Variants in ASIC2 observed in about 807,000 individuals in gnomAD.
ASIC2 encodes acid-sensing ion channel 2.
In ASIC2, 25 loss-of-function variants were observed where a neutral mutation model predicts 57.3. The observed-to-expected ratio is 0.44, with a 90% CI of 0.32 to 0.61. The LOEUF (loss-of-function observed/expected upper bound fraction) is 0.61. ASIC2 is among the 20% of genes least tolerant of loss of function. The pLI is 0.06. For missense variants in ASIC2, 641 were observed against 738.1 expected, an observed-to-expected ratio of 0.87 and a Z score of 1.52; for synonymous variants, 319 against 307.5, an observed-to-expected ratio of 1.04 and a Z score of -0.39.
intron 1 of ASIC2, among the ~76,000 whole-genome samples, chr17:33,234,431 G>A (rs534933814): frequency 4.0e-4 from 61 of 152,236 alleles, no homozygotes; most frequent in African/African-American, 1.7e-4. Flanking sequence ...GAAGTGCAGC[G>A]GCAGACCCTG....
chr17:33,949,682 A>C (rs1187170797), intron 1 of ASIC2, among the ~76,000 whole-genome samples: 1 of 152,176 alleles, frequency 6.6e-6, no homozygotes, highest in Non-Finnish European at 1.5e-5. Flanking sequence ...TGGACAGATA[A>C]GCAAAGTTAC....
At chr17:33,675,508 G>T (rs1204816433) in intron 1 of ASIC2, among the ~76,000 whole-genome samples, 1 of 152,214 alleles carries the variant, frequency 6.6e-6, no homozygotes, top group Non-Finnish European at 1.5e-5. Flanking sequence ...GGGGGACACA[G>T]ATGAGCTTCA....
At chr17:33,031,220 T>C (rs1169497658) in intron 3 of ASIC2, among the ~76,000 whole-genome samples, 1 of 152,176 alleles carries the variant, frequency 6.6e-6, no homozygotes, top group Non-Finnish European at 1.5e-5. Flanking sequence ...TTTTCTATTT[T>C]TGTTCTTGTG....
At chr17:33,987,716 G>A (rs1905868932) in intron 1 of ASIC2, among the ~76,000 whole-genome samples, 1 of 152,158 alleles carries the variant, frequency 6.6e-6, no homozygotes, top group Non-Finnish European at 1.5e-5. Flanking sequence ...TTAGGTGAAA[G>A]TGCCAAGGAA....
At chr17:33,317,784 A>G (rs1182927556) in intron 1 of ASIC2, among the ~76,000 whole-genome samples, 1 of 152,190 alleles carries the variant, frequency 6.6e-6, no homozygotes, top group Non-Finnish European at 1.5e-5. Flanking sequence ...AGAACAAGAG[A>G]AAAACACAGC....
At chr17:34,089,696 A>G (rs1356735625) in intron 1 of ASIC2, among the ~76,000 whole-genome samples, 2 of 152,100 alleles carry the variant, frequency 1.3e-5, no homozygotes, top group Non-Finnish European at 2.9e-5. Flanking sequence ...GCTGCAGAGA[A>G]GATCACTCTC....
chr17:33,830,007 A>C (rs779257758), intron 1 of ASIC2, among the ~76,000 whole-genome samples: 1 of 152,182 alleles, frequency 6.6e-6, no homozygotes, highest in Non-Finnish European at 1.5e-5. Flanking sequence ...ACTGAAAAGG[A>C]GGGTGATTAT....
chr17:33,678,435 C>CACACA (rs1907894434), intron 1 of ASIC2, among the ~76,000 whole-genome samples: 6 of 139,508 alleles, frequency 4.3e-5, no homozygotes, highest in African/African-American at 1.6e-4. Flanking sequence ...CTGGTTCAAT[C>CACACA]CACACACACA....
intron 1 of ASIC2, among the ~76,000 whole-genome samples, chr17:33,642,339 C>G (rs1268447356): frequency 6.6e-6 from 1 of 152,076 alleles, no homozygotes; most frequent in East Asian, 1.9e-4. Flanking sequence ...GAGTCAGGAG[C>G]AGCTCAGGAG....
intron 1 of ASIC2, among the ~76,000 whole-genome samples, chr17:33,175,703 G>A (rs1356179893): frequency 2.0e-5 from 3 of 151,962 alleles, no homozygotes. Context: ...TGCCTCCCCT[G>A]TCTGTGCAAT....
intron 3 of ASIC2, among the ~76,000 whole-genome samples, chr17:33,065,859 C>A (rs2092041327): frequency 6.6e-6 from 1 of 152,138 alleles, no homozygotes; most frequent in African/African-American, 2.4e-5. Context: ...CATAGGAGCC[C>A]TTTGAAATTG....
intron 1 of ASIC2, among the ~76,000 whole-genome samples, chr17:33,743,379 A>G (rs2142099292): frequency 6.6e-6 from 1 of 152,368 alleles, no homozygotes; most frequent in East Asian, 1.9e-4. Flanking sequence ...GGTGTGGCTA[A>G]GAAGACAGGG....
At chr17:33,209,431 T>C (rs569942347) in intron 1 of ASIC2, among the ~76,000 whole-genome samples, 2 of 152,314 alleles carry the variant, frequency 1.3e-5, no homozygotes, top group South Asian at 2.1e-4. Context: ...GGTTTTTCAG[T>C]CTCAGCACTA....
rs35180488 is a variant in ASIC2 at position 33,662,486 on chromosome 17, T to TGGGGG, written c.555+493487_555+493491dup. ...AAATACAAAAATTAGCCAGGTGTGGTGGGGGGGGCACCTGTAATCCCAGCT... is the reference window on the plus strand; with the variant it reads ...AAATACAAAAATTAGCCAGGTGTGGTGGGGGGGGGGGGGCACCTGTAATCCCAGCT... On this transcript the variant is annotated intron_variant, in intron 1 of 9. Coordinates refer to the ASIC2 transcript ENST00000359872. 3.3e-4 allele frequency among the ~76,000 whole-genome samples: 50 copies of TGGGGG among 150,146 alleles called. 1 individual carries two copies. The highest frequency in any genetic ancestry group is 1.6e-4 in the Non-Finnish European group (11 of 67,534).
Position 33,033,498 on chromosome 17 carries a change from A to C in ASIC2, c.988-5106T>G, listed in dbSNP as rs1422680048. Among the ~76,000 whole-genome samples, 6 of 152,288 alleles carry C rather than the reference A, an allele frequency of 3.9e-5. No homozygotes were observed. In the East Asian group the frequency reaches 1.2e-3, roughly 29 times the overall value. On this transcript the variant is annotated intron_variant, in intron 3 of 9. Transcript: ENST00000225823. ...CAGGTACAGCTGCAGCTGCCCTCCC[A>C]GGTGCAGGATCTGGGCATCTCTGCA...
intron 1 of ASIC2, among the ~76,000 whole-genome samples, chr17:33,350,893 T>TCTTTC (rs1370023726): frequency 2.0e-5 from 3 of 152,148 alleles, no homozygotes; most frequent in African/African-American, 7.2e-5. Context: ...CCTGAATCTC[T>TCTTTC]CTTTCCTTAG....
intron 1 of ASIC2, among the ~76,000 whole-genome samples, chr17:33,641,543 A>G (rs1480468071): frequency 6.6e-6 from 1 of 152,210 alleles, no homozygotes. Flanking sequence ...ACTTGAACCA[A>G]CATTCCAGAC....
intron 3 of ASIC2, among the ~76,000 whole-genome samples, chr17:33,047,630 A>G (rs1427620717): frequency 6.6e-6 from 1 of 152,160 alleles, no homozygotes; most frequent in African/African-American, 2.4e-5. Context: ...ATGAGCCACT[A>G]TGCCTGGCCT....
Position 33,247,622 on chromosome 17 carries a change from G to A in ASIC2, c.708+43786C>T, listed in dbSNP as rs73982477. 2.6e-3 allele frequency among the ~76,000 whole-genome samples: 402 copies of A among 152,324 alleles called. 4 individuals are homozygous for A. The highest frequency in any genetic ancestry group is 8.7e-3 in the African/African-American group (363 of 41,566). ...AAATCAAGGTAGAGAGAGTCTACCC[G>A]TGTCTACTCTCAGCCAGGAGGCCAG... On this transcript the variant is annotated intron_variant, in intron 1 of 9. Coordinates refer to ENST00000225823, the MANE Select transcript of ASIC2 (RefSeq NM_183377.2).
Sources: allele counts gnomAD v4.1 joint callset (sites outside exome capture counted in the v4.1 genomes callset), GRCh38; gene constraint gnomAD v4.1.1; transcripts MANE v1.5; gene names NCBI Gene and HGNC (gene_info 2026-07-23, HGNC 2026-07-21).